The following VPS8 variants were observed in gnomAD, a reference collection of about 807,000 sequenced individuals.
The protein encoded by VPS8 is VPS8 subunit of CORVET complex.
A neutral mutation model predicts 216.4 loss-of-function variants in VPS8; 129 were observed. The ratio of observed to expected loss-of-function variants is 0.60; its 90% confidence interval spans 0.52 to 0.69. The LOEUF (loss-of-function observed/expected upper bound fraction) is 0.69. VPS8 is among the 30% of genes least tolerant of loss of function. The probability of loss-of-function intolerance (pLI) is 0.00; values close to 1 mark genes in which losing one functional copy is unlikely to be tolerated. For synonymous variants in VPS8, 571 were observed against 565.4 expected (o/e 1.01, Z -0.14); for missense variants, 1,531 against 1,683.5 (o/e 0.91, Z 1.59).
intron 40 of VPS8, among the ~76,000 whole-genome samples, chr3:184,981,398 G>A (rs550412563): frequency 8.0e-5 from 12 of 150,798 alleles, no homozygotes; most frequent in Admixed American, 4.6e-4. Flanking sequence ...GGGTGGCAGC[G>A]TCTTCATGGG....
At chr3:184,853,815 T>A (rs1724747338) in intron 11 of VPS8, 42 bp from the exon 12 acceptor site, 1 of 1,549,562 alleles carries the variant, frequency 6.5e-7, no homozygotes. Flanking sequence ...GTGCCTTGGA[T>A]CATTGCTAAA....
chr3:184,944,641 T>A lies in VPS8; in HGVS notation c.3035+4398T>A. 4 of 960,372 alleles carry A rather than the reference T, an allele frequency of 4.2e-6. 1 individual carries two copies. The South Asian group carries it at 1.9e-4, about 46-fold the overall frequency. 59.5% of individuals were successfully genotyped at this position (960,372 alleles called of 1,614,324 possible). A position where few individuals can be genotyped will look rare whatever the true frequency, so the allele number is the denominator to read the frequency against. On this transcript the variant is annotated intron_variant, in intron 36 of 47. Transcript: ENST00000625842. ...TTCCTCAGTATGATTTTCCTGGTAATGTTGATTTAGCCTTTGTTAACAATA... is the reference window on the plus strand; with the variant it reads ...TTCCTCAGTATGATTTTCCTGGTAAAGTTGATTTAGCCTTTGTTAACAATA...
chr3:184,936,515 C>CTGTGTGTGTGTGTGTGTGTGTG (rs59011109), intron 35 of VPS8, among the ~76,000 whole-genome samples, 180 bp downstream of exon 35: 2 of 119,370 alleles, frequency 1.7e-5, no homozygotes, highest in African/African-American at 6.4e-5. Context: ...CAACCTAATA[C>CTGTGTGTGTGTGTGTGTGTGTG]TGTGTGTGTG....
intron 21 of VPS8, among the ~76,000 whole-genome samples, chr3:184,871,722 A>G (rs562252582): frequency 6.6e-6 from 1 of 152,180 alleles, no homozygotes; most frequent in Non-Finnish European, 1.5e-5. Flanking sequence ...TTTGTAGTCT[A>G]GTCAAAATAA....
At chr3:184,922,923 C>T (rs1480109613) in intron 29 of VPS8, among the ~76,000 whole-genome samples, 1 of 150,570 alleles carries the variant, frequency 6.6e-6, no homozygotes, top group Non-Finnish European at 1.5e-5. Flanking sequence ...CAATTAGACA[C>T]TTGCTGAGTT....
At chr3:184,999,962 A>G in intron 45 of VPS8, 101 bp downstream of exon 45, 1 of 1,308,808 alleles carries the variant, frequency 7.6e-7, no homozygotes, top group Non-Finnish European at 1.0e-6. Flanking sequence ...CAACAAATTT[A>G]CCTGGTGGGT....
At chr3:184,975,215 T>C (rs1341226921) in intron 40 of VPS8, among the ~76,000 whole-genome samples, 1 of 152,146 alleles carries the variant, frequency 6.6e-6, no homozygotes, top group Non-Finnish European at 1.5e-5. Flanking sequence ...GTATATTCAG[T>C]TTCTTTCATC....
rs1718736346 is a variant in VPS8 at position 184,826,176 on chromosome 3, A to G, written c.167A>G (p.Glu56Gly). ...EFKNDLIDDKEFDIPQVDTPP... is the reference protein window; with the variant it reads ...EFKNDLIDDKGFDIPQVDTPP... The stretch of plus-strand genomic sequence containing the variant: ...TTCTTTATTTAGATTGATGACAAGG[A>G]GTTTGATATTCCTCAAGTTGATACT... Residue 56 changes from glutamate to glycine, a missense_variant, in exon 3 of 48, where the codon GAG becomes GGG. Coordinates refer to ENST00000625842, the MANE Select transcript of VPS8 (RefSeq NM_001009921.3). 1 of 1,609,424 alleles carries G rather than the reference A, an allele frequency of 6.2e-7. No homozygotes were observed. The highest frequency in any genetic ancestry group is 8.5e-7 in the Non-Finnish European group (1 of 1,177,878).
chr3:184,957,287 A>G, intron 36 of VPS8, 87 bp from the exon 37 acceptor site: 5 of 1,338,600 alleles, frequency 3.7e-6, no homozygotes, highest in Non-Finnish European at 5.1e-6. Flanking sequence ...GTTTTAATGT[A>G]ATGTGCTTTT....
chr3:184,996,255 T>C, intron 43 of VPS8, 77 bp from the exon 44 acceptor site: 1 of 1,446,340 alleles, frequency 6.9e-7, no homozygotes, highest in African/African-American at 1.4e-5. Context: ...AAACAAGTGC[T>C]ATTCACCATT....
At position 184,894,833 on chromosome 3, in the gene VPS8, G is replaced by T; in HGVS notation, c.1912G>T (p.Asp638Tyr). 1 of 1,610,550 alleles carries T rather than the reference G, an allele frequency of 6.2e-7. No homozygotes were observed. Among genetic ancestry groups the T allele is most frequent in the South Asian group, 1.1e-5 (1 of 90,354 alleles). ...LVGITPQVMK[D>Y]LIVHFQDKKL... ...GGGAATCACACCCCAAGTAATGAAA[G>T]ACTTGATTGTTCATTTCCAAGATAA... The change falls in exon 23 of 48, where the codon GAC becomes TAC. Residue 638 changes from aspartate (D) to tyrosine (Y), a missense_variant. Transcript: ENST00000625842.
In VPS8 at chr3:184,824,769, A is replaced by G; in HGVS notation, c.137A>G (p.Glu46Gly). ...TACATAGATATGGACAAGGAACTGG[A>G]GTTCAAAAATGATCTGGTAAAAATT... ...FSYIDMDKEL[E>G]FKNDLIDDKE... The change falls in exon 2 of 48, where the codon GAG becomes GGG. Residue 46 changes from glutamate to glycine, a missense_variant. Around this residue, in one of 3 missense-constraint regions of VPS8, gnomAD observed 199 missense variants for 182.2 expected, o/e 1.09. Coordinates refer to ENST00000625842, the MANE Select transcript of VPS8 (RefSeq NM_001009921.3). The G allele has an allele frequency of 1.2e-6, 2 of 1,611,070 alleles. No homozygotes were observed. The highest frequency in any genetic ancestry group is 1.7e-6 in the Non-Finnish European group (2 of 1,178,376).
chr3:184,864,326 G>A (rs1389224952), intron 16 of VPS8, among the ~76,000 whole-genome samples: 2 of 152,168 alleles, frequency 1.3e-5, no homozygotes, highest in African/African-American at 4.8e-5. Flanking sequence ...CCCAAATGGA[G>A]CCTGGAAGAC....
rs1727954625 is a variant in VPS8 at position 184,869,493 on chromosome 3, G to A, written c.1609G>A (p.Asp537Asn). The part of the protein sequence containing the change: ...KAKAVVGLSG[D>N]ASKRKAIVAD... ...TTCCTTCTCTGCAGGATTATCAGGG[G>A]ATGCCAGTAAGCGAAAGGCTATTGT... Residue 537 changes from aspartate to asparagine, a missense_variant, in exon 20 of 48, where the codon GAT becomes AAT. This residue lies in a region of VPS8 where 1,318 missense variants were observed against 1,468.4 expected (regional missense o/e 0.90). Transcript: ENST00000625842. The A allele has an allele frequency of 5.0e-6, 8 of 1,613,512 alleles. No homozygotes were observed. The highest frequency in any genetic ancestry group is 6.8e-6 in the Non-Finnish European group (8 of 1,179,578).
At chr3:184,905,900 G>C (rs1208788513) in intron 25 of VPS8, among the ~76,000 whole-genome samples, 1 of 151,964 alleles carries the variant, frequency 6.6e-6, no homozygotes, top group Non-Finnish European at 1.5e-5. Context: ...ATTTCTTAGG[G>C]AATTGAACAC....
intron 46 of VPS8, among the ~76,000 whole-genome samples, chr3:185,044,542 T>C (rs1042518846): frequency 3.3e-5 from 5 of 152,064 alleles, no homozygotes; most frequent in African/African-American, 1.2e-4. Context: ...CCAGTGTTTT[T>C]CCCCTGTGCT....
chr3:184,900,464 T>C (rs1335315662), intron 24 of VPS8, among the ~76,000 whole-genome samples: 4 of 152,144 alleles, frequency 2.6e-5, no homozygotes, highest in African/African-American at 9.7e-5. Flanking sequence ...TTTTCCCAAA[T>C]AGGAATCTCC....
chr3:185,035,623 C>T (rs1577239950), intron 46 of VPS8, among the ~76,000 whole-genome samples: 1 of 152,092 alleles, frequency 6.6e-6, no homozygotes, highest in East Asian at 1.9e-4. Flanking sequence ...ATAATAAGAG[C>T]CATCTTTGAC....
At chr3:185,001,157 T>C (rs76912956) in intron 45 of VPS8, among the ~76,000 whole-genome samples, 1,657 of 152,288 alleles carry the variant, frequency 0.011, 32 homozygotes, top group African/African-American at 0.037. Context: ...TAAAAGGATT[T>C]TTAACAGAGT....
Sources: gnomAD v4.1 joint callset for allele counts (sites outside exome capture counted in the v4.1 genomes callset) on GRCh38, gnomAD v4.1.1 for gene constraint, gnomAD v4.1.1 regional missense constraint, MANE v1.5 for transcripts, NCBI Gene and HGNC (gene_info 2026-07-23, HGNC 2026-07-21) for gene names.